The following WDFY3 variants were observed in gnomAD, a reference collection of about 807,000 sequenced individuals.
WDFY3 encodes the protein WD repeat and FYVE domain containing 3, also known as WD repeat and FYVE domain-containing protein 3.
WDFY3 carries 66 observed loss-of-function variants against 409.6 expected under a neutral mutation model. The ratio of observed to expected loss-of-function variants is 0.16; its 90% CI spans 0.13 to 0.20. The LOEUF (loss-of-function observed/expected upper bound fraction) is 0.20, where lower values mean the gene tolerates loss of function less well. Ranked by LOEUF, WDFY3 falls within the 10% of genes least tolerant of loss-of-function variation. The probability of loss-of-function intolerance (pLI) is 1.00; values close to 1 mark genes in which losing one functional copy is unlikely to be tolerated. For synonymous variants in WDFY3, 1,521 were observed against 1,537.1 expected (o/e 0.99, Z 0.25); for missense variants, 3,031 against 4,298.1 (o/e 0.71, Z 8.24).
At chr4:84,705,647 A>C in intron 53 of WDFY3, 136 bp from the exon 54 acceptor site, 1 of 699,658 alleles carries the variant, frequency 1.4e-6, no homozygotes, top group Non-Finnish European at 2.5e-6. Flanking sequence ...GTATAACTGG[A>C]CTCCAAAATA....
chr4:84,768,324 T>C (rs1314975183), intron 30 of WDFY3, among the ~76,000 whole-genome samples: 3 of 152,144 alleles, frequency 2.0e-5, no homozygotes, highest in Non-Finnish European at 2.9e-5. Context: ...CAACTTCCTA[T>C]TGGAAGAAGA....
intron 62 of WDFY3, among the ~76,000 whole-genome samples, chr4:84,684,947 CAA>C (rs1388209297): frequency 6.6e-6 from 1 of 152,210 alleles, no homozygotes; most frequent in Admixed American, 6.5e-5. Context: ...GTTAACACAG[CAA>C]CCTTGTGAGA....
rs556898129 is a variant in WDFY3 at position 84,713,053 on chromosome 4, C to A, written c.8042+106G>T. The A allele has an allele frequency of 3.5e-5, 44 of 1,261,890 alleles. No individual in the cohort carries two copies. The African/African-American group carries it at 6.0e-4, about 17-fold the overall frequency. 78.2% of individuals were successfully genotyped at this position (1,261,890 alleles called of 1,614,324 possible). ...AGTATTTTTTTAAAAAAATTTGCAA[C>A]CACCAGGGGAAAAACACTCATCTAA... On this transcript the variant is annotated intron_variant, in intron 51 of 67. Coordinates refer to ENST00000295888, the MANE Select transcript of WDFY3 (RefSeq NM_014991.6).
chr4:84,930,882 A>T (rs561103542), intron 2 of WDFY3, among the ~76,000 whole-genome samples: 67 of 152,340 alleles, frequency 4.4e-4, no homozygotes, highest in African/African-American at 1.4e-3. Context: ...CCCTTTATCC[A>T]TGATTTCACC....
rs1738853169 is a variant in WDFY3 at position 84,743,770 on chromosome 4, C to T, written c.6003G>A (p.Gln2001=). 7 of 1,596,066 alleles carry T rather than the reference C, an allele frequency of 4.4e-6. No homozygotes were observed. The highest frequency in any genetic ancestry group is 6.0e-6 in the Non-Finnish European group (7 of 1,168,994). ...EASPERSTRT[Q]QKEFQTYILD... is the part of the protein sequence containing the mutation. ...AAATGTAAGTTTGAAATTCTTTTTG[C>T]TGAGTTCTTGTAGACCTTTCAGGGG... Residue 2001 remains glutamine, a synonymous_variant, in exon 37 of 68, where the codon CAG becomes CAA. Coordinates refer to ENST00000295888, the MANE Select transcript of WDFY3 (RefSeq NM_014991.6).
At chr4:84,709,229 T>C (rs1732493031) in intron 52 of WDFY3, 64 bp downstream of exon 52, 6 of 1,498,216 alleles carry the variant, frequency 4.0e-6, no homozygotes, top group African/African-American at 1.4e-5. Context: ...AAAGTGCTTT[T>C]AACTGTATGA....
chr4:84,695,499 CAGAGAGAGAT>C (rs1201527541), intron 58 of WDFY3, among the ~76,000 whole-genome samples: 13 of 73,120 alleles, frequency 1.8e-4, no homozygotes, highest in South Asian at 1.1e-3. Flanking sequence ...CACACAGAGA[CAGAGAGAGAT>C]AGAGAGAGAG....
chr4:84,730,976 T>C (rs1376389687), intron 44 of WDFY3, among the ~76,000 whole-genome samples: 2 of 152,128 alleles, frequency 1.3e-5, no homozygotes, highest in East Asian at 1.9e-4. Context: ...TTTCTATTTT[T>C]AGTAGAGACA....
Position 84,801,762 on chromosome 4 carries a change from G to T in WDFY3, c.2710C>A (p.Leu904Met). The T allele has an allele frequency of 6.2e-7, 1 of 1,614,098 alleles. No individual in the cohort carries two copies. The highest frequency in any genetic ancestry group is 1.1e-5 in the South Asian group (1 of 91,072). Residue 904 changes from leucine (L) to methionine (M), a missense_variant, in exon 17 of 68, where the codon CTG becomes ATG. Coordinates refer to ENST00000295888, the MANE Select transcript of WDFY3 (RefSeq NM_014991.6). ...AATGCAGCACTGCACCTCTGCAGCAGTCGTGCATGAAGACCAGCTTCACAC... is the reference window on the plus strand; with the variant it reads ...AATGCAGCACTGCACCTCTGCAGCATTCGTGCATGAAGACCAGCTTCACAC... ...VMCEAGLHAR[L>M]LQRCSAALAD... is the part of the protein sequence containing the mutation.
intron 2 of WDFY3, among the ~76,000 whole-genome samples, chr4:84,920,286 G>T (rs1199298822): frequency 1.3e-5 from 2 of 152,112 alleles, no homozygotes; most frequent in Non-Finnish European, 2.9e-5. Context: ...GAAAACGGAA[G>T]ATTAAAGTAA....
intron 15 of WDFY3, among the ~76,000 whole-genome samples, chr4:84,804,490 T>C (rs1174101667): frequency 6.6e-6 from 1 of 152,224 alleles, no homozygotes; most frequent in Non-Finnish European, 1.5e-5. Flanking sequence ...TGTTCCGCTT[T>C]ACTTATAAAA....
At chr4:84,858,833 T>G (rs1049034204) in intron 4 of WDFY3, among the ~76,000 whole-genome samples, 6 of 149,010 alleles carry the variant, frequency 4.0e-5, no homozygotes, top group African/African-American at 1.5e-4. Context: ...TGGAGATAGA[T>G]CTGGAAAAAG....
intron 18 of WDFY3, 42 bp downstream of exon 18, chr4:84,797,954 T>G: frequency 6.7e-7 from 1 of 1,501,040 alleles, no homozygotes. Flanking sequence ...TACATGATTT[T>G]CATTCATAAA....
intron 64 of WDFY3, among the ~76,000 whole-genome samples, chr4:84,682,141 A>G (rs1464556744): frequency 1.3e-5 from 2 of 152,218 alleles, no homozygotes; most frequent in Non-Finnish European, 2.9e-5. Flanking sequence ...TGCTATATTT[A>G]GTATGGAATG....
In WDFY3 at chr4:84,831,498, G is replaced by A. The variant is rs748311765; in HGVS notation, c.684C>T (p.Asn228=). The A allele has an allele frequency of 6.2e-6, 10 of 1,614,084 alleles. No individual in the cohort carries two copies. The East Asian group carries it at 1.8e-4, about 29-fold the overall frequency. ...CTCCAGCACTCTTTCTCCAAGGCAG[G>A]TTATAGGGAGGGCACCAAGAGGTTA... ...SAITSWCPPY[N]LPWRKSAGEV... is the part of the protein sequence containing the mutation. Residue 228 remains asparagine (N), a synonymous_variant, in exon 8 of 68, where the codon AAC becomes AAT. Transcript: ENST00000295888.
chr4:84,700,992 C>T (rs1281406136), intron 56 of WDFY3, among the ~76,000 whole-genome samples: 1 of 152,188 alleles, frequency 6.6e-6, no homozygotes, highest in Non-Finnish European at 1.5e-5. Flanking sequence ...CGCATGTAAT[C>T]CCAGCTACTT....
chr4:84,855,691 C>A (rs1759665102), intron 4 of WDFY3, among the ~76,000 whole-genome samples: 1 of 151,820 alleles, frequency 6.6e-6, no homozygotes, highest in African/African-American at 2.4e-5. Context: ...CATCATTAGT[C>A]CTAAAATAAT....
chr4:84,726,388 TA>T lies in WDFY3; in HGVS notation c.7272+472del, dbSNP rs200453969. On this transcript the variant is annotated intron_variant, in intron 45 of 67. Coordinates refer to ENST00000295888, the MANE Select transcript of WDFY3 (RefSeq NM_014991.6). Reference sequence around the variant, plus strand: ...TACTAATTAAAATAAATTTGTATTTTAAAAAGTGATCACACACTCTTTGTTT... The same window carrying T: ...TACTAATTAAAATAAATTTGTATTTTAAAAGTGATCACACACTCTTTGTTT... Among the ~76,000 whole-genome samples, 846 of 152,258 alleles carry T rather than the reference TA, an allele frequency of 5.6e-3. 7 individuals are homozygous for T. The highest frequency in any genetic ancestry group is 7.8e-3 in the Non-Finnish European group (532 of 67,994).
rs540226144 is a variant in WDFY3, at chr4:84,674,729, G to A, written c.10458-1738C>T. Reference sequence around the variant, plus strand: ...CTAAGAATACAAAAATTAGCCAGGCGTGGTGGTGCACGCCTGTAGTCCCAG... The same window carrying A: ...CTAAGAATACAAAAATTAGCCAGGCATGGTGGTGCACGCCTGTAGTCCCAG... On this transcript the variant is annotated intron_variant, in intron 67 of 67. Transcript: ENST00000295888. 2.6e-4 allele frequency among the ~76,000 whole-genome samples: 39 copies of A among 151,738 alleles called. No homozygotes were observed. In the South Asian group the frequency reaches 4.0e-3, roughly 15 times the overall value.
Sources: gnomAD v4.1 joint callset for allele counts (sites outside exome capture counted in the v4.1 genomes callset) on GRCh38, gnomAD v4.1.1 for gene constraint, MANE v1.5 for transcripts, NCBI Gene and HGNC (gene_info 2026-07-23, HGNC 2026-07-21) for gene names.